Variants in PLAG1 observed in about 807,000 individuals in gnomAD.
The protein encoded by PLAG1 is PLAG1 zinc finger.
A neutral mutation model predicts 35.5 loss-of-function variants in PLAG1; 7 were observed. That is an observed-to-expected ratio of 0.20 (90% CI 0.11 to 0.37). PLAG1 has a LOEUF of 0.37. PLAG1 is among the 10% of genes least tolerant of loss of function. The pLI is 1.00. For synonymous variants in PLAG1, 229 were observed against 225.4 expected (o/e 1.02, Z -0.14); for missense variants, 454 against 602.8 (o/e 0.75, Z 2.58).
intron 2 of PLAG1, among the ~76,000 whole-genome samples, chr8:56,175,496 T>C (rs1811658208): frequency 6.6e-6 from 1 of 152,172 alleles, no homozygotes. Context: ...TATAACTGGA[T>C]TGTGGAAAAC....
Position 56,163,537 on chromosome 8 carries a change from G to T in PLAG1, c.*2706C>A. 5.0e-6 allele frequency: 1 copy of T among 200,526 alleles called. No individual in the cohort carries two copies. Among genetic ancestry groups the T allele is most frequent in the Non-Finnish European group, 1.0e-5 (1 of 96,890 alleles). The allele number at this position is 200,526 out of a possible 1,614,324, so 12.4% of individuals were successfully genotyped here. A position where few individuals can be genotyped will look rare whatever the true frequency, so the allele number is the denominator to read the frequency against. ...CTCTTACTCTGAAGTGTTATTTCAA[G>T]TCTGGGGGTGGGAACAGGCAAAGAG... On this transcript the variant is annotated 3_prime_UTR_variant, in exon 5 of 5. Coordinates refer to ENST00000316981, the MANE Select transcript of PLAG1 (RefSeq NM_002655.3).
intron 1 of PLAG1, among the ~76,000 whole-genome samples, chr8:56,180,606 C>T (rs753944423): frequency 4.5e-4 from 68 of 152,142 alleles, no homozygotes; most frequent in Non-Finnish European, 6.9e-4. Context: ...TTAGGTCTTA[C>T]GTTTAAGTCT....
chr8:56,167,362 C>G lies in PLAG1; in HGVS notation c.384G>C (p.Lys128Asn). ...KETFKCEECG[K>N]NYNTKLGFKR... is the part of the protein sequence containing the mutation. ...TAAATCCAAGCTTGGTATTGTAGTTCTTGCCACATTCTTCGCACTTAAACG... is the reference window on the plus strand; with the variant it reads ...TAAATCCAAGCTTGGTATTGTAGTTGTTGCCACATTCTTCGCACTTAAACG... The change falls in exon 5 of 5, where the codon AAG becomes AAC. Residue 128 changes from lysine (K) to asparagine (N), a missense_variant. Transcript: ENST00000316981. This position sits in a 1 kb window ranked among gnomAD's most constrained non-coding sequence, Gnocchi z 5.9. 1 of 1,614,042 alleles carries G rather than the reference C, an allele frequency of 6.2e-7. No individual in the cohort carries two copies. The highest frequency in any genetic ancestry group is 8.5e-7 in the Non-Finnish European group (1 of 1,179,988).
At position 56,189,652 on chromosome 8, in the gene PLAG1, G is replaced by A. The variant is rs1196606427; in HGVS notation, c.-321-10139C>T. 2.6e-5 allele frequency among the ~76,000 whole-genome samples: 4 copies of A among 152,150 alleles called. No homozygotes were observed. In the East Asian group the frequency reaches 7.7e-4, roughly 29 times the overall value. On this transcript the variant is annotated intron_variant, in intron 1 of 4. Coordinates refer to ENST00000316981, the MANE Select transcript of PLAG1 (RefSeq NM_002655.3). ...AACAGAAGGTAGAAGATGCCACAAG[G>A]TAAGTATAGATTAGGTACAGTGGGA...
intron 1 of PLAG1, among the ~76,000 whole-genome samples, chr8:56,196,416 T>G (rs1458992088): frequency 1.3e-5 from 2 of 152,178 alleles, no homozygotes; most frequent in Non-Finnish European, 2.9e-5. Flanking sequence ...CGCTGTATAC[T>G]TCCAGCATTT....
At chr8:56,173,589 T>TAAAA (rs34522063) in intron 2 of PLAG1, among the ~76,000 whole-genome samples, 1 of 146,670 alleles carries the variant, frequency 6.8e-6, no homozygotes, top group African/African-American at 2.5e-5. Context: ...CTTTTCTACT[T>TAAAA]AAAAAAAAAA....
At chr8:56,172,717 A>G (rs1811568445) in intron 2 of PLAG1, among the ~76,000 whole-genome samples, 1 of 152,188 alleles carries the variant, frequency 6.6e-6, no homozygotes, top group East Asian at 1.9e-4. Flanking sequence ...GAATGCCCTA[A>G]AACTGTGACT....
chr8:56,168,493 T>C (rs1255461607), intron 3 of PLAG1, 107 bp from the exon 4 acceptor site: 1 of 407,744 alleles, frequency 2.5e-6, no homozygotes, highest in Non-Finnish European at 4.2e-6. Context: ...ATAAAATGGA[T>C]TCAGCTGGTC....
chr8:56,200,819 A>G (rs1377774287), intron 1 of PLAG1, among the ~76,000 whole-genome samples: 1 of 152,106 alleles, frequency 6.6e-6, no homozygotes, highest in Non-Finnish European at 1.5e-5. Flanking sequence ...GAGCACCTAT[A>G]GTTTTTACTG....
At chr8:56,196,755 G>A (rs1036966511) in intron 1 of PLAG1, among the ~76,000 whole-genome samples, 1 of 152,098 alleles carries the variant, frequency 6.6e-6, no homozygotes, top group Non-Finnish European at 1.5e-5. Flanking sequence ...AAGGGTGTGG[G>A]CCTCCCTCCT....
intron 1 of PLAG1, among the ~76,000 whole-genome samples, chr8:56,195,800 C>T (rs757955332): frequency 5.9e-5 from 9 of 152,086 alleles, no homozygotes; most frequent in Non-Finnish European, 7.4e-5. Flanking sequence ...AGGGGGCCAG[C>T]GCCCAGGGAA....
intron 2 of PLAG1, among the ~76,000 whole-genome samples, chr8:56,174,754 A>G (rs73594291): frequency 0.034 from 5,119 of 152,286 alleles, 125 homozygotes; most frequent in African/African-American, 0.069. Context: ...CCATGGATTG[A>G]AAATATTTTT....
intron 1 of PLAG1, among the ~76,000 whole-genome samples, chr8:56,187,224 C>T (rs1812047548): frequency 1.3e-5 from 2 of 152,200 alleles, no homozygotes; most frequent in Admixed American, 6.5e-5. Flanking sequence ...TACTGCGATA[C>T]ACAGATGTGT....
chr8:56,175,951 CA>C (rs1811674625), intron 2 of PLAG1, among the ~76,000 whole-genome samples: 1 of 151,952 alleles, frequency 6.6e-6, no homozygotes, highest in Non-Finnish European at 1.5e-5. Context: ...TCTCCCAATT[CA>C]GACATATTTT....
rs895701601 is a variant in PLAG1 at position 56,200,729 on chromosome 8, G to A, written c.-322+10392C>T. Reference sequence around the variant, plus strand: ...TCTGCCAAAACCATTCCTCTCACCTGAACAGCCCTGCTTCTTCTTGCCAAT... The same window carrying A: ...TCTGCCAAAACCATTCCTCTCACCTAAACAGCCCTGCTTCTTCTTGCCAAT... On this transcript the variant is annotated intron_variant, in intron 1 of 4. Coordinates refer to ENST00000316981, the MANE Select transcript of PLAG1 (RefSeq NM_002655.3). Among the ~76,000 whole-genome samples, 5 of 152,078 alleles carry A rather than the reference G, an allele frequency of 3.3e-5. 1 individual carries two copies. In the South Asian group the frequency reaches 8.3e-4, roughly 25 times the overall value.
chr8:56,167,198 T>C lies in PLAG1; in HGVS notation c.548A>G (p.Lys183Arg). The change falls in exon 5 of 5, where the codon AAA (lysine) becomes AGA (arginine). Residue 183 changes from lysine to arginine, a missense_variant. By Grantham distance (26) the Lys-to-Arg change is conservative (BLOSUM62 2). Around this residue, in one of 4 missense-constraint regions of PLAG1, gnomAD observed 170 missense variants for 226.3 expected, o/e 0.75. Coordinates refer to ENST00000316981, the MANE Select transcript of PLAG1 (RefSeq NM_002655.3). The surrounding 1 kb of genome is among the most constrained non-coding windows in gnomAD (Gnocchi z 5.9). ...AGKSSGGVKE[K>R]KHQCEHCDRR... is the part of the protein sequence containing the mutation. The stretch of plus-strand genomic sequence containing the variant: ...ATCACAATGTTCGCACTGGTGCTTT[T>C]TTTCTTTAACCCCACCAGACGACTT... 2.2e-5 allele frequency: 36 copies of C among 1,614,032 alleles called. No homozygotes were observed. The highest frequency in any genetic ancestry group is 3.1e-5 in the Non-Finnish European group (36 of 1,180,008).
chr8:56,169,819 T>C (rs1181411571), intron 3 of PLAG1, among the ~76,000 whole-genome samples: 2 of 152,198 alleles, frequency 1.3e-5, no homozygotes, highest in Admixed American at 6.5e-5. Context: ...GCTGGGATTA[T>C]AGGCGTGAGC....
In PLAG1 at chr8:56,168,153, A is replaced by C; in HGVS notation, c.117T>G (p.Cys39Trp). 6.2e-7 allele frequency: 1 copy of C among 1,613,698 alleles called. No individual in the cohort carries two copies. Among genetic ancestry groups the C allele is most frequent in the Non-Finnish European group, 8.5e-7 (1 of 1,179,646 alleles). ...TCTCAACACTGTTAAAGGCCTTGTC[A>C]CACAGTTGGCAAGGAAAGTTTTTTC... The part of the protein sequence containing the change: ...KPRKNFPCQL[C>W]DKAFNSVEKL... The change falls in exon 4 of 5, where the codon TGT (cysteine) becomes TGG (tryptophan). Residue 39 changes from cysteine (C) to tryptophan (W), a missense_variant. By Grantham distance (215) the Cys-to-Trp change is radical. Around this residue, in one of 4 missense-constraint regions of PLAG1, gnomAD observed 170 missense variants for 226.3 expected, o/e 0.75. Transcript: ENST00000316981.
intron 1 of PLAG1, among the ~76,000 whole-genome samples, chr8:56,187,285 A>T (rs1312205573): frequency 6.6e-6 from 1 of 152,162 alleles, no homozygotes; most frequent in Non-Finnish European, 1.5e-5. Context: ...TCTGGAAATC[A>T]CCTTTGCAAT....
Sources: allele counts gnomAD v4.1 joint callset (sites outside exome capture counted in the v4.1 genomes callset), GRCh38; gene constraint gnomAD v4.1.1; regional missense constraint gnomAD v4.1.1; non-coding constraint Gnocchi (gnomAD v3.1); transcripts MANE v1.5; gene names NCBI Gene and HGNC (gene_info 2026-07-23, HGNC 2026-07-21).